FAAH2: variants seen among roughly 807,000 people sequenced by gnomAD.
FAAH2 encodes the protein fatty acid amide hydrolase 2.
FAAH2 carries 60 observed loss-of-function variants against 36.9 expected under a neutral mutation model. That is an observed-to-expected ratio of 1.63 (90% confidence interval 1.32 to 2.02). The LOEUF is 2.02. FAAH2 is among the 30% of genes most tolerant of loss of function. FAAH2 has a pLI of 0.00. For synonymous variants in FAAH2, 214 were observed against 143.8 expected (o/e 1.49, Z -3.49); for missense variants, 689 against 397.5 (o/e 1.73, Z -6.23).
chrX:57,344,368 T>C (rs935302385), intron 5 of FAAH2, among the ~76,000 whole-genome samples: 11 of 111,257 alleles, frequency 9.9e-5, no homozygotes, highest in African/African-American at 3.3e-4. Context: ...GGTGTGGCTA[T>C]TGTAAATGGG....
the FAAH2 span, among the ~76,000 whole-genome samples, chrX:57,280,526 G>A: frequency 1.3e-5 from 1 of 77,225 alleles, no homozygotes; most frequent in Admixed American, 1.3e-4. Context: ...TATTAGAATG[G>A]CTAAAATTTA....
the FAAH2 span, among the ~76,000 whole-genome samples, chrX:57,263,745 G>GA: frequency 4.5e-5 from 5 of 110,945 alleles, no homozygotes; most frequent in East Asian, 8.4e-4. Context: ...AATAAATCTG[G>GA]AAAAAAGAAA....
the FAAH2 span, among the ~76,000 whole-genome samples, chrX:57,270,700 G>A: frequency 1.8e-5 from 2 of 111,537 alleles, no homozygotes; most frequent in South Asian, 3.8e-4. Context: ...AAGTCAGGTG[G>A]GTTGTTGCCT....
the FAAH2 span, among the ~76,000 whole-genome samples, chrX:57,231,134 A>G: frequency 1.8e-5 from 2 of 109,043 alleles, no homozygotes; most frequent in African/African-American, 6.7e-5. Context: ...ATCCAAATTT[A>G]GAGTTTAGTA....
intron 2 of FAAH2, among the ~76,000 whole-genome samples, chrX:57,299,329 A>C (rs913719058): frequency 1.8e-5 from 2 of 112,358 alleles, no homozygotes; most frequent in African/African-American, 6.5e-5. Flanking sequence ...TTAATTCAGC[A>C]TATAAACAGA....
At position 57,327,032 on chromosome X, in the gene FAAH2, C is replaced by A. The variant is rs568894249; in HGVS notation, c.413-4566C>A. ...CTTCAGGAGCTCTTTCAGGGCATGC[C>A]TGGTGGTAACAAAATCTCTCAGCAT... is the stretch of plus-strand genomic sequence containing the variant. On this transcript the variant is annotated intron_variant, in intron 3 of 10. Coordinates refer to ENST00000374900, the MANE Select transcript of FAAH2 (RefSeq NM_174912.4). Among the ~76,000 whole-genome samples, 21 of 108,556 alleles carry A rather than the reference C, an allele frequency of 1.9e-4. No individual in the cohort carries two copies. In the South Asian group the frequency reaches 8.3e-3, roughly 43 times the overall value. 94.3% of individuals were successfully genotyped at this position (108,556 alleles called of 115,157 possible).
upstream of FAAH2, among the ~76,000 whole-genome samples, chrX:57,286,117 G>T (rs1440162234): frequency 9.0e-6 from 1 of 111,644 alleles, no homozygotes; most frequent in African/African-American, 3.3e-5. Flanking sequence ...GAGTTTGAAC[G>T]ATCTGGAAGA....
At chrX:57,278,160 T>C in the FAAH2 span, among the ~76,000 whole-genome samples, 1 of 111,657 alleles carries the variant, frequency 9.0e-6, no homozygotes, top group African/African-American at 3.3e-5. Context: ...TCACGCTACC[T>C]GATTTCAAAC....
chrX:57,484,982 G>A (rs192862482), intron 10 of FAAH2, among the ~76,000 whole-genome samples: 2 of 111,819 alleles, frequency 1.8e-5, no homozygotes, highest in African/African-American at 6.5e-5. Flanking sequence ...GACCAGTCAG[G>A]TGGTGGGAAC....
chrX:57,207,887 G>A, the FAAH2 span, among the ~76,000 whole-genome samples: 1 of 112,961 alleles, frequency 8.9e-6, no homozygotes, highest in Non-Finnish European at 1.9e-5. Flanking sequence ...GACAGACATT[G>A]TACAGGGGTG....
chrX:57,274,281 C>G, the FAAH2 span, among the ~76,000 whole-genome samples: 4 of 111,460 alleles, frequency 3.6e-5, no homozygotes, highest in South Asian at 1.5e-3. Context: ...GCCTACTAAC[C>G]AAAAAAGTCC....
chrX:57,127,954 TA>T, the FAAH2 span, among the ~76,000 whole-genome samples: 1 of 112,327 alleles, frequency 8.9e-6, no homozygotes, highest in Non-Finnish European at 1.9e-5. Flanking sequence ...TATATATTTC[TA>T]AAACATCTTC....
the FAAH2 span, among the ~76,000 whole-genome samples, chrX:57,161,209 A>G: frequency 8.9e-6 from 1 of 112,136 alleles, no homozygotes; most frequent in Non-Finnish European, 1.9e-5. Flanking sequence ...GTTTGATTGC[A>G]CTGTGGTTTC....
chrX:57,157,957 T>C, the FAAH2 span, among the ~76,000 whole-genome samples: 1 of 110,893 alleles, frequency 9.0e-6, no homozygotes, highest in Non-Finnish European at 1.9e-5. Flanking sequence ...CATTAACTCA[T>C]CATTTAACAT....
chrX:57,261,318 C>T, the FAAH2 span, among the ~76,000 whole-genome samples: 17 of 110,180 alleles, frequency 1.5e-4, no homozygotes, highest in African/African-American at 5.3e-4. Flanking sequence ...TTTGTTAGGG[C>T]AAGGCGGGTG....
intron 10 of FAAH2, among the ~76,000 whole-genome samples, chrX:57,471,114 T>G (rs1211796465): frequency 9.0e-6 from 1 of 111,693 alleles, no homozygotes; most frequent in Non-Finnish European, 1.9e-5. Context: ...TAAGAACTAT[T>G]TATAACAAAC....
intron 7 of FAAH2, among the ~76,000 whole-genome samples, chrX:57,416,172 C>G (rs578160422): frequency 9.0e-6 from 1 of 111,082 alleles, no homozygotes; most frequent in Non-Finnish European, 1.9e-5. Context: ...GCTGTTGACT[C>G]TTTATCCAAT....
chrX:57,395,086 A>G, intron 7 of FAAH2: 1 of 547,845 alleles, frequency 1.8e-6, no homozygotes, highest in East Asian at 3.4e-5. Flanking sequence ...TCACTCCTTC[A>G]GTGTATTGTC....
the FAAH2 span, among the ~76,000 whole-genome samples, chrX:57,219,763 G>T: frequency 5.7e-5 from 5 of 88,493 alleles, no homozygotes; most frequent in Middle Eastern, 6.8e-3. Context: ...GGAAACTCCC[G>T]GTCCTCTGTT....
Sources: allele counts gnomAD v4.1 joint callset (sites outside exome capture counted in the v4.1 genomes callset), GRCh38; gene constraint gnomAD v4.1.1; transcripts MANE v1.5; gene names NCBI Gene and HGNC (gene_info 2026-07-23, HGNC 2026-07-21).